The following DST variants were observed in gnomAD, a reference collection of about 807,000 sequenced individuals.
DST encodes the protein bullous pemphigoid antigen.
A neutral mutation model predicts 875.2 loss-of-function variants in DST; 253 were observed. The ratio of observed to expected loss-of-function variants is 0.29; its 90% CI spans 0.26 to 0.32. The LOEUF (loss-of-function observed/expected upper bound fraction) is 0.32. Among genes scored for constraint, DST ranks in the 10% least tolerant of loss-of-function variants. DST has a pLI of 1.00. For missense variants in DST, 8,287 were observed against 9,111.6 expected, an observed-to-expected ratio of 0.91 and a Z score of 3.68; for synonymous variants, 3,124 against 3,197.1, an observed-to-expected ratio of 0.98 and a Z score of 0.77.
chr6:56,846,719 T>C (rs1337930782), intron 4 of DST, among the ~76,000 whole-genome samples: 5 of 152,118 alleles, frequency 3.3e-5, no homozygotes, highest in African/African-American at 1.2e-4. Flanking sequence ...AAATGTGAAG[T>C]TGGGCCAGGC....
intron 49 of DST, 34 bp downstream of exon 49, chr6:56,592,148 T>C (rs779831206): frequency 1.2e-5 from 19 of 1,594,270 alleles, no homozygotes; most frequent in Non-Finnish European, 1.5e-5. Context: ...TCAGTAAGAC[T>C]ACTGGAAATG....
intron 3 of DST, among the ~76,000 whole-genome samples, chr6:56,867,811 G>A (rs1007718836): frequency 7.9e-5 from 12 of 151,336 alleles, no homozygotes; most frequent in East Asian, 1.9e-4. Flanking sequence ...CCAGTCTGGC[G>A]ACAGAGCGAG....
intron 3 of DST, among the ~76,000 whole-genome samples, chr6:56,898,976 G>A (rs1792724647): frequency 6.6e-6 from 1 of 152,154 alleles, no homozygotes; most frequent in South Asian, 2.1e-4. Flanking sequence ...GTAACAGATG[G>A]TAGAGGTACA....
At position 56,581,572 on chromosome 6, in the gene DST, T is replaced by C. The variant is rs115363880; in HGVS notation, c.12904-2635A>G. Among the ~76,000 whole-genome samples the C allele has an allele frequency of 8.8e-3, 1,342 of 152,332 alleles. 19 individuals are homozygous for C. Among genetic ancestry groups the C allele is most frequent in the African/African-American group, 0.03 (1,257 of 41,570 alleles). ...GAAAAAAAGGTGGAAGCAGGAGCCA[T>C]AGATACGTCTTCCAGAAGTTTGACC... On this transcript the variant is annotated intron_variant, in intron 49 of 103. Coordinates refer to ENST00000680361, the MANE Select transcript of DST (RefSeq NM_001374736.1).
At chr6:56,469,810 A>G (rs2094792877) in intron 97 of DST, 73 bp downstream of exon 97, 1 of 1,306,006 alleles carries the variant, frequency 7.7e-7, no homozygotes, top group Admixed American at 1.7e-5. Context: ...CTGGAAAACA[A>G]TGGAGATCAA....
chr6:56,655,110 G>A (rs1319453933), intron 10 of DST, among the ~76,000 whole-genome samples: 4 of 147,916 alleles, frequency 2.7e-5, no homozygotes, highest in Non-Finnish European at 4.4e-5. Context: ...GCAGTGAGCC[G>A]AGATCGCGCC....
At chr6:56,569,766 T>C in intron 54 of DST, 90 bp downstream of exon 54, 1 of 1,188,052 alleles carries the variant, frequency 8.4e-7, no homozygotes, top group Non-Finnish European at 1.2e-6. Context: ...AAAACTTAGA[T>C]GATATTAGAT....
At chr6:56,876,684 T>G (rs1481905040) in intron 3 of DST, among the ~76,000 whole-genome samples, 2 of 152,226 alleles carry the variant, frequency 1.3e-5, no homozygotes, top group African/African-American at 4.8e-5. Flanking sequence ...AAAACACTAC[T>G]CAATGAAGCA....
At chr6:56,810,974 G>A (rs1237138299) in intron 4 of DST, among the ~76,000 whole-genome samples, 6 of 151,852 alleles carry the variant, frequency 4.0e-5, no homozygotes, top group Admixed American at 1.3e-4. Flanking sequence ...TTGAGCCCAG[G>A]AGTTCAAGAC....
At chr6:56,596,517 C>G (rs2098389393) in intron 47 of DST, among the ~76,000 whole-genome samples, 2 of 152,176 alleles carry the variant, frequency 1.3e-5, no homozygotes, top group Admixed American at 1.3e-4. Flanking sequence ...AACTGACTCA[C>G]AATGTTCCTT....
intron 36 of DST, chr6:56,619,258 T>A (rs764490287): frequency 2.5e-6 from 4 of 1,613,140 alleles, no homozygotes; most frequent in Non-Finnish European, 3.4e-6. Flanking sequence ...CTGCCTGAAT[T>A]CTCTGCATCA....
rs772100038 is a variant in DST at position 56,640,474 on chromosome 6, C to T, written c.2159G>A (p.Gly720Glu). Residue 720 changes from glycine (G) to glutamate (E), a missense_variant, in exon 18 of 104, where the codon GGA (glycine) becomes GAA (glutamate). Transcript: ENST00000680361. The stretch of plus-strand genomic sequence containing the variant: ...ACTAGGGTGTAAGGTCTGTGCAAAT[C>T]CTGAGTTTAAACTTTGAGTGATTCC... ...ISGITQSLNS[G>E]FAQTLHPSLT... is the part of the protein sequence containing the mutation. The T allele has an allele frequency of 4.3e-6, 7 of 1,614,144 alleles. No individual in the cohort carries two copies. Among genetic ancestry groups the T allele is most frequent in the Non-Finnish European group, 4.2e-6 (5 of 1,180,012 alleles).
intron 3 of DST, among the ~76,000 whole-genome samples, chr6:56,894,349 A>G (rs1789666858): frequency 2.0e-5 from 2 of 101,868 alleles, no homozygotes; most frequent in African/African-American, 1.1e-4. Context: ...CTGGCCGGGC[A>G]GGGGGGCTGT....
intron 3 of DST, among the ~76,000 whole-genome samples, chr6:56,897,689 C>T (rs1297436677): frequency 6.6e-6 from 1 of 152,108 alleles, no homozygotes; most frequent in Non-Finnish European, 1.5e-5. Context: ...ATTGTCTGTC[C>T]ATCTCTTCCT....
chr6:56,458,994 A>G lies in DST; in HGVS notation c.*11T>C, dbSNP rs1350113460. 6.3e-7 allele frequency: 1 copy of G among 1,584,550 alleles called. No individual in the cohort carries two copies. On this transcript the variant is annotated 3_prime_UTR_variant, in exon 104 of 104. Coordinates refer to ENST00000680361, the MANE Select transcript of DST (RefSeq NM_001374736.1). The stretch of plus-strand genomic sequence containing the variant: ...AATGCTCAAGGAAGGGCCTTGGTAG[A>G]ACCAATTGCACTATCTCTTTGAGGA...
intron 77 of DST, among the ~76,000 whole-genome samples, chr6:56,505,416 T>C (rs1044774896): frequency 4.6e-5 from 7 of 151,040 alleles, no homozygotes; most frequent in Non-Finnish European, 1.0e-4. Context: ...CCTCACAGAC[T>C]GGAGCCCGAA....
rs1239749975 is a variant in DST at position 56,624,881 on chromosome 6, T to A, written c.4831-253A>T. 2.0e-5 allele frequency among the ~76,000 whole-genome samples: 3 copies of A among 152,120 alleles called. No individual in the cohort carries two copies. The East Asian group carries it at 5.8e-4, about 29-fold the overall frequency. On this transcript the variant is annotated intron_variant, in intron 35 of 103. Coordinates refer to ENST00000680361, the MANE Select transcript of DST (RefSeq NM_001374736.1). Reference sequence around the variant, plus strand: ...TCCATAGTTAATAATTAATCTTGAATAAACATTTTTAAAGGGTTTTTAAAA... The same window carrying A: ...TCCATAGTTAATAATTAATCTTGAAAAAACATTTTTAAAGGGTTTTTAAAA...
At chr6:56,874,928 C>A (rs1778972836) in intron 3 of DST, among the ~76,000 whole-genome samples, 2 of 152,170 alleles carry the variant, frequency 1.3e-5, no homozygotes, top group Non-Finnish European at 2.9e-5. Context: ...AAACACATAA[C>A]CTTCTAACAA....
At chr6:56,596,278 C>T (rs892769233) in intron 47 of DST, among the ~76,000 whole-genome samples, 4 of 152,118 alleles carry the variant, frequency 2.6e-5, no homozygotes, top group Admixed American at 6.5e-5. Context: ...CCACCCGCCT[C>T]AGCCTCCCAA....
Sources: gnomAD v4.1 joint callset for allele counts (sites outside exome capture counted in the v4.1 genomes callset) on GRCh38, gnomAD v4.1.1 for gene constraint, MANE v1.5 for transcripts, NCBI Gene and HGNC (gene_info 2026-07-23, HGNC 2026-07-21) for gene names.